Variants in TMEM45A observed in about 807,000 individuals in gnomAD.
TMEM45A encodes the protein DNA polymerase-transactivated protein 4.
A neutral mutation model predicts 32.0 loss-of-function variants in TMEM45A; 25 were observed. The ratio of observed to expected loss-of-function variants is 0.78; its 90% CI spans 0.57 to 1.09. The LOEUF is 1.09. Ranked by LOEUF, TMEM45A falls within the 50% of genes least tolerant of loss-of-function variation. The probability of loss-of-function intolerance (pLI) is 0.00; values close to 1 mark genes in which losing one functional copy is unlikely to be tolerated. For synonymous variants in TMEM45A, 122 were observed against 114.8 expected (o/e 1.06, Z -0.40); for missense variants, 302 against 325.0 (o/e 0.93, Z 0.54).
At chr3:100,499,336 TAA>T in intron 1 of TMEM45A, among the ~76,000 whole-genome samples, 1 of 152,330 alleles carries the variant, frequency 6.6e-6, no homozygotes, top group African/African-American at 2.4e-5. Flanking sequence ...CTCATATGTA[TAA>T]GTCTTTGTTC....
chr3:100,562,490 C>T (rs909313581), intron 4 of TMEM45A, among the ~76,000 whole-genome samples: 2 of 152,136 alleles, frequency 1.3e-5, no homozygotes, highest in Admixed American at 6.5e-5. Context: ...AAGAGATTGG[C>T]GACGGGAGGG....
chr3:100,561,867 A>AGGAG (rs1706343347), intron 4 of TMEM45A, among the ~76,000 whole-genome samples: 1 of 152,244 alleles, frequency 6.6e-6, no homozygotes, highest in African/African-American at 2.4e-5. Context: ...ATCACTGCAC[A>AGGAG]GATCCTGAGC....
At chr3:100,518,345 A>C (rs72945203) in intron 1 of TMEM45A, among the ~76,000 whole-genome samples, 8,033 of 152,190 alleles carry the variant, frequency 0.053, 654 homozygotes, top group African/African-American at 0.18. Flanking sequence ...CTCTTGTCTT[A>C]ATTGATTTAA....
intron 1 of TMEM45A, among the ~76,000 whole-genome samples, chr3:100,511,049 T>G (rs1450887544): frequency 9.2e-5 from 14 of 152,176 alleles, no homozygotes; most frequent in Admixed American, 5.9e-4. Flanking sequence ...AAAACACTCT[T>G]CAGGATATTA....
chr3:100,550,298 T>G (rs1277137796), intron 1 of TMEM45A, among the ~76,000 whole-genome samples: 1 of 151,990 alleles, frequency 6.6e-6, no homozygotes, highest in Non-Finnish European at 1.5e-5. Flanking sequence ...GAAGACTCAT[T>G]CAAAACCAAT....
At chr3:100,556,549 T>C (rs1706224179) in intron 2 of TMEM45A, among the ~76,000 whole-genome samples, 1 of 152,228 alleles carries the variant, frequency 6.6e-6, no homozygotes, top group African/African-American at 2.4e-5. Context: ...CAATTGGCTA[T>C]CTTTGACTAA....
chr3:100,574,431 C>G (rs1315622948), intron 5 of TMEM45A: 1 of 152,208 alleles, frequency 6.6e-6, no homozygotes, highest in Non-Finnish European at 1.5e-5. Context: ...ACACATACAT[C>G]CTCCCAAGAC....
At chr3:100,569,632 A>G (rs561746017) in intron 5 of TMEM45A, among the ~76,000 whole-genome samples, 1 of 152,322 alleles carries the variant, frequency 6.6e-6, no homozygotes, top group Non-Finnish European at 1.5e-5. Context: ...TAAGACCTAA[A>G]TGAGATCAAG....
intron 1 of TMEM45A, among the ~76,000 whole-genome samples, chr3:100,513,835 GACAA>G (rs1296501024): frequency 1.3e-5 from 2 of 152,140 alleles, no homozygotes; most frequent in African/African-American, 2.4e-5. Context: ...ACCAATAACA[GACAA>G]ACAGAGAGCC....
intron 5 of TMEM45A, among the ~76,000 whole-genome samples, chr3:100,570,084 A>G (rs950862957): frequency 1.3e-5 from 2 of 152,252 alleles, no homozygotes; most frequent in Admixed American, 1.3e-4. Context: ...TTCTGTATCT[A>G]CAATGTCTAA....
At chr3:100,496,425 C>T (rs1707928931) in intron 1 of TMEM45A, among the ~76,000 whole-genome samples, 1 of 152,230 alleles carries the variant, frequency 6.6e-6, no homozygotes, top group Non-Finnish European at 1.5e-5. Flanking sequence ...CAAGATTACA[C>T]AGTGAACAAG....
chr3:100,494,243 A>G (rs572312794), intron 1 of TMEM45A, among the ~76,000 whole-genome samples: 1 of 152,174 alleles, frequency 6.6e-6, no homozygotes, highest in Non-Finnish European at 1.5e-5. Context: ...CTTTTGTCAT[A>G]TGTTATTTAC....
Position 100,555,273 on chromosome 3 carries a change from G to A in TMEM45A, c.62G>A (p.Trp21Ter). 6.2e-7 allele frequency: 1 copy of A among 1,613,178 alleles called. No homozygotes were observed. The highest frequency in any genetic ancestry group is 8.5e-7 in the Non-Finnish European group (1 of 1,179,474). ...GTFFFIIGLW[W>*]CTKSILKYIC... ...TTCTTTTTTATTATTGGTCTTTGGT[G>A]GTGTACAAAGAGTATTCTGAAGTAT... is the stretch of plus-strand genomic sequence containing the variant. The change falls in exon 2 of 6, where the codon TGG (tryptophan) becomes TAG (stop). Residue 21 changes from tryptophan (W) to a stop codon, truncating the protein, a stop_gained. Transcript: ENST00000323523. LOFTEE classifies it high-confidence loss of function.
At chr3:100,562,981 A>G (rs980203873) in intron 4 of TMEM45A, among the ~76,000 whole-genome samples, 2 of 152,314 alleles carry the variant, frequency 1.3e-5, no homozygotes, top group Non-Finnish European at 2.9e-5. Flanking sequence ...TTAGTTTCCT[A>G]GGGCTGTAGT....
In TMEM45A at chr3:100,556,803, G is replaced by A; in HGVS notation, c.234G>A (p.Met78Ile). 1.2e-6 allele frequency: 2 copies of A among 1,614,058 alleles called. No homozygotes were observed. Among genetic ancestry groups the A allele is most frequent in the South Asian group, 1.1e-5 (1 of 91,074 alleles). The change falls in exon 3 of 6, where the codon ATG becomes ATA. Residue 78 changes from methionine to isoleucine, a missense_variant. Met to Ile is a conservative substitution (Grantham distance 10). Transcript: ENST00000323523. ...EQFIPGGPHL[M>I]LYDYKQGHWN... ...TTATTCCTGGAGGGCCCCATCTGAT[G>A]TTATATGACTATAAACAAGGTCACT...
At chr3:100,566,661 TTTG>T (rs1473667323) in intron 4 of TMEM45A, among the ~76,000 whole-genome samples, 2 of 152,132 alleles carry the variant, frequency 1.3e-5, no homozygotes, top group Non-Finnish European at 2.9e-5. Context: ...CTCACCAATA[TTTG>T]TTATTTTTAT....
At chr3:100,529,050 G>T (rs1043988159) in intron 1 of TMEM45A, among the ~76,000 whole-genome samples, 6 of 152,142 alleles carry the variant, frequency 3.9e-5, no homozygotes, top group African/African-American at 1.4e-4. Context: ...CCAAGGACAA[G>T]AATTTTGAAG....
intron 1 of TMEM45A, among the ~76,000 whole-genome samples, chr3:100,526,854 A>C (rs1705554857): frequency 6.6e-6 from 1 of 152,220 alleles, no homozygotes; most frequent in Non-Finnish European, 1.5e-5. Flanking sequence ...GGAAGCTTTA[A>C]GTAGAAGGAA....
intron 1 of TMEM45A, among the ~76,000 whole-genome samples, chr3:100,548,005 T>C (rs1706013882): frequency 6.6e-6 from 1 of 152,232 alleles, no homozygotes; most frequent in Admixed American, 6.5e-5. Context: ...ATAGCTGATG[T>C]TCCGTGGATG....
Sources: allele counts gnomAD v4.1 joint callset (sites outside exome capture counted in the v4.1 genomes callset), GRCh38; gene constraint gnomAD v4.1.1; transcripts MANE v1.5; gene names NCBI Gene and HGNC (gene_info 2026-07-23, HGNC 2026-07-21).